The following SUMF1 variants were observed in gnomAD, a reference collection of about 807,000 sequenced individuals.
SUMF1 encodes formylglycine-generating enzyme.
SUMF1 carries 48 observed loss-of-function variants against 47.6 expected under a neutral mutation model. That is an observed-to-expected ratio of 1.01 (90% CI 0.80 to 1.28). The LOEUF is 1.28. SUMF1 is among the 50% of genes most tolerant of loss of function. The probability of loss-of-function intolerance (pLI) is 0.00; values close to 1 mark genes in which losing one functional copy is unlikely to be tolerated. For missense variants in SUMF1, 571 were observed against 485.4 expected, an observed-to-expected ratio of 1.18 and a Z score of -1.66; for synonymous variants, 230 against 192.1, an observed-to-expected ratio of 1.20 and a Z score of -1.63.
chr3:4,162,137 C>G (rs906370017), intron 8 of SUMF1, among the ~76,000 whole-genome samples: 5 of 152,058 alleles, frequency 3.3e-5, no homozygotes, highest in Admixed American at 3.3e-4. Context: ...GGCCTCACAA[C>G]TCTGTCTAAT....
intron 3 of SUMF1, among the ~76,000 whole-genome samples, chr3:4,422,834 C>T (rs1285618926): frequency 6.6e-5 from 10 of 151,686 alleles, no homozygotes; most frequent in Non-Finnish European, 1.3e-4. Flanking sequence ...TTCTGAGGAA[C>T]AGGTGGTATT....
chr3:4,106,417 A>G (rs971472643), intron 8 of SUMF1, among the ~76,000 whole-genome samples: 2 of 152,136 alleles, frequency 1.3e-5, no homozygotes, highest in Non-Finnish European at 2.9e-5. Context: ...TAGTTTTCAC[A>G]TATACCCTTC....
At chr3:4,099,334 A>G (rs1477586768) in intron 8 of SUMF1, among the ~76,000 whole-genome samples, 1 of 152,188 alleles carries the variant, frequency 6.6e-6, no homozygotes, top group African/African-American at 2.4e-5. Context: ...GTGATCCATC[A>G]TATTCACAGA....
chr3:4,064,368 A>G (rs1695335082), intron 9 of SUMF1, among the ~76,000 whole-genome samples: 3 of 151,908 alleles, frequency 2.0e-5, no homozygotes, highest in Admixed American at 6.6e-5. Flanking sequence ...TGCCATGGAA[A>G]CATCCGGAAG....
intron 8 of SUMF1, among the ~76,000 whole-genome samples, chr3:4,144,942 G>C (rs1015618964): frequency 2.3e-4 from 35 of 152,116 alleles, no homozygotes; most frequent in Non-Finnish European, 4.6e-4. Context: ...GCTCACGCCT[G>C]TAATCCCAGC....
Position 4,353,354 on chromosome 3 carries a change from A to G in SUMF1, c.1014+22976T>C, listed in dbSNP as rs561279046. On this transcript the variant is annotated intron_variant and NMD_transcript_variant, in intron 8 of 12. Transcript: ENST00000448413. ...TGCAAACTCCGCCTCCCAGGTTCAC[A>G]CCATTCTCCTGCCTCAGCCTCCCGA... Among the ~76,000 whole-genome samples, 1,035 of 152,126 alleles carry G rather than the reference A, an allele frequency of 6.8e-3. 6 individuals carry two copies. The highest frequency in any genetic ancestry group is 0.012 in the Non-Finnish European group (825 of 67,960).
chr3:4,463,027 C>A (rs1311424368), intron 1 of SUMF1, among the ~76,000 whole-genome samples: 1 of 152,184 alleles, frequency 6.6e-6, no homozygotes, highest in Non-Finnish European at 1.5e-5. Flanking sequence ...AGTATGTGAC[C>A]TTCTCTATTC....
intron 8 of SUMF1, among the ~76,000 whole-genome samples, chr3:4,283,960 C>T (rs1697578767): frequency 1.3e-5 from 2 of 152,170 alleles, no homozygotes; most frequent in Admixed American, 1.3e-4. Context: ...GAGAGATCTG[C>T]TCTCATCACC....
chr3:4,317,177 T>C, intron 8 of SUMF1: 1 of 1,550,244 alleles, frequency 6.5e-7, no homozygotes, highest in Non-Finnish European at 8.7e-7. Context: ...ATTTTTACGC[T>C]ACAGGAATAA....
chr3:4,078,697 A>T (rs578053736), intron 8 of SUMF1, among the ~76,000 whole-genome samples: 1 of 152,104 alleles, frequency 6.6e-6, no homozygotes, highest in Admixed American at 6.5e-5. Context: ...GTTCAAGTCC[A>T]AGAATTTGAG....
At chr3:4,366,713 A>C (rs1192811863) in intron 8 of SUMF1, among the ~76,000 whole-genome samples, 3 of 152,016 alleles carry the variant, frequency 2.0e-5, no homozygotes, top group Non-Finnish European at 4.4e-5. Context: ...TCTTCTCTCA[A>C]CTCGTCAAAG....
chr3:4,209,313 T>A (rs963781640), intron 8 of SUMF1, among the ~76,000 whole-genome samples: 2 of 152,176 alleles, frequency 1.3e-5, no homozygotes, highest in Non-Finnish European at 2.9e-5. Context: ...ACTGTTTAAT[T>A]ATGTGCAAAC....
chr3:4,144,073 C>T (rs1325902928), intron 8 of SUMF1, among the ~76,000 whole-genome samples: 1 of 150,892 alleles, frequency 6.6e-6, no homozygotes, highest in Non-Finnish European at 1.5e-5. Context: ...TCTCTGCAGC[C>T]TCTACCTCCT....
intron 1 of SUMF1, among the ~76,000 whole-genome samples, chr3:4,455,533 C>T (rs1458072292): frequency 2.6e-5 from 4 of 152,100 alleles, no homozygotes; most frequent in African/African-American, 4.8e-5. Context: ...CTGGCCAACA[C>T]GGTGAAACCC....
At chr3:4,271,214 T>G (rs761640392) in intron 8 of SUMF1, among the ~76,000 whole-genome samples, 12 of 152,094 alleles carry the variant, frequency 7.9e-5, no homozygotes, top group Non-Finnish European at 1.3e-4. Context: ...CCTGAAAAAC[T>G]AGAAATAACC....
chr3:4,303,279 C>A, intron 8 of SUMF1: 1 of 1,348,958 alleles, frequency 7.4e-7, no homozygotes, highest in South Asian at 1.6e-5. Flanking sequence ...CTACAATTCC[C>A]ATGAGGCGGT....
intron 8 of SUMF1, among the ~76,000 whole-genome samples, chr3:4,311,067 AACAAC>A: frequency 6.6e-6 from 1 of 152,310 alleles, no homozygotes. Context: ...AGCTGTAAGA[AACAAC>A]ACAAACAAAA....
At chr3:4,127,673 C>A (rs1693686538) in intron 8 of SUMF1, among the ~76,000 whole-genome samples, 1 of 152,008 alleles carries the variant, frequency 6.6e-6, no homozygotes, top group African/African-American at 2.4e-5. Context: ...CTTAATAAAC[C>A]CCCCTTTGTA....
intron 8 of SUMF1, among the ~76,000 whole-genome samples, chr3:4,189,767 A>G (rs910400948): frequency 1.3e-5 from 2 of 152,074 alleles, no homozygotes; most frequent in Admixed American, 1.3e-4. Flanking sequence ...CTGCTCCCCC[A>G]AAATCCTCTG....
Sources: gnomAD v4.1 joint callset for allele counts (sites outside exome capture counted in the v4.1 genomes callset) on GRCh38, gnomAD v4.1.1 for gene constraint, MANE v1.5 for transcripts, NCBI Gene and HGNC (gene_info 2026-07-23, HGNC 2026-07-21) for gene names.